RIN3: variants seen among roughly 807,000 people sequenced by gnomAD.
The protein encoded by RIN3 is RAB5 interacting protein 3.
In RIN3, 54 loss-of-function variants were observed where a neutral mutation model predicts 76.3. The observed-to-expected ratio is 0.71, with a 90% CI of 0.57 to 0.89. RIN3 has a LOEUF of 0.89. RIN3 is among the 40% of genes least tolerant of loss of function. RIN3 has a pLI of 0.00. For synonymous variants in RIN3, 576 were observed against 564.0 expected (o/e 1.02, Z -0.30); for missense variants, 1,256 against 1,322.1 (o/e 0.95, Z 0.78).
rs148350230 is a variant in RIN3, at chr14:92,677,529, T to G, written c.2467+923T>G. On this transcript the variant is annotated intron_variant, in intron 8 of 9. Coordinates refer to ENST00000216487, the MANE Select transcript of RIN3 (RefSeq NM_024832.5). Reference sequence around the variant, plus strand: ...TTTGATGAGATAGTTCCATGAGTTGTTGACAGCTCAGGGGAGCGTGTTAAA... The same window carrying G: ...TTTGATGAGATAGTTCCATGAGTTGGTGACAGCTCAGGGGAGCGTGTTAAA... Among the ~76,000 whole-genome samples the G allele has an allele frequency of 2.1e-4, 32 of 152,322 alleles. No individual in the cohort carries two copies. In the Middle Eastern group the frequency reaches 0.01, roughly 49 times the overall value.
At chr14:92,608,508 G>A (rs953065814) in intron 3 of RIN3, among the ~76,000 whole-genome samples, 17 of 151,954 alleles carry the variant, frequency 1.1e-4, no homozygotes, top group Non-Finnish European at 2.2e-4. Flanking sequence ...ATTGCTGAAT[G>A]ATAAAACTGA....
intron 6 of RIN3, among the ~76,000 whole-genome samples, chr14:92,653,833 C>CT (rs1887563700): frequency 6.6e-6 from 1 of 152,152 alleles, no homozygotes; most frequent in South Asian, 2.1e-4. Flanking sequence ...GCCTGGGCAA[C>CT]ATGGCAAAAC....
chr14:92,673,491 T>C (rs1197194244), intron 7 of RIN3, among the ~76,000 whole-genome samples: 17 of 151,468 alleles, frequency 1.1e-4, no homozygotes, highest in Non-Finnish European at 4.4e-5. Flanking sequence ...AGAAAAGCCA[T>C]GATGAACAAA....
At chr14:92,536,811 G>A (rs1198113339) in intron 1 of RIN3, among the ~76,000 whole-genome samples, 1 of 151,258 alleles carries the variant, frequency 6.6e-6, no homozygotes, top group African/African-American at 2.4e-5. Context: ...TAATTCTGTA[G>A]CCCTACTGAC....
intron 2 of RIN3, among the ~76,000 whole-genome samples, chr14:92,560,527 C>A (rs571327647): frequency 6.6e-6 from 1 of 152,306 alleles, no homozygotes; most frequent in South Asian, 2.1e-4. Context: ...TCAGCGATTT[C>A]TGTCAGGTAG....
At chr14:92,585,872 G>A (rs1884755656) in intron 3 of RIN3, among the ~76,000 whole-genome samples, 1 of 152,200 alleles carries the variant, frequency 6.6e-6, no homozygotes, top group Admixed American at 6.5e-5. Context: ...ATTAAAAGAG[G>A]GATTGGTGTC....
At chr14:92,615,814 G>C (rs950207820) in intron 4 of RIN3, 9 of 280,662 alleles carry the variant, frequency 3.2e-5, no homozygotes, top group Admixed American at 2.5e-4. Flanking sequence ...ACTTCCTGTA[G>C]GGGCAGCAAC....
chr14:92,524,491 G>T (rs1199398391), intron 1 of RIN3, among the ~76,000 whole-genome samples: 2 of 152,186 alleles, frequency 1.3e-5, no homozygotes, highest in Non-Finnish European at 1.5e-5. Flanking sequence ...TTCTGAGCCT[G>T]TAAGAGCCTG....
chr14:92,631,616 G>A (rs569175280), intron 4 of RIN3, among the ~76,000 whole-genome samples: 2 of 151,440 alleles, frequency 1.3e-5, no homozygotes, highest in African/African-American at 2.4e-5. Flanking sequence ...GGCGGCGGGA[G>A]TGGGGGTTGG....
intron 1 of RIN3, among the ~76,000 whole-genome samples, chr14:92,521,017 A>C (rs1285900607): frequency 6.6e-6 from 1 of 152,104 alleles, no homozygotes; most frequent in Non-Finnish European, 1.5e-5. Context: ...AACTATACTC[A>C]AGGACTCTTC....
intron 3 of RIN3, among the ~76,000 whole-genome samples, chr14:92,589,983 G>C (rs150551238): frequency 3.2e-4 from 49 of 152,336 alleles, no homozygotes; most frequent in Non-Finnish European, 6.0e-4. Context: ...ACTGCAGCTT[G>C]CCAGAGCAGA....
At chr14:92,531,579 C>A (rs1896879667) in intron 1 of RIN3, among the ~76,000 whole-genome samples, 1 of 152,166 alleles carries the variant, frequency 6.6e-6, no homozygotes, top group Non-Finnish European at 1.5e-5. Flanking sequence ...CTGTAGTCGG[C>A]CTGGGGTGGG....
At chr14:92,673,131 AG>A (rs932322627) in intron 7 of RIN3, among the ~76,000 whole-genome samples, 2 of 152,114 alleles carry the variant, frequency 1.3e-5, no homozygotes, top group African/African-American at 4.8e-5. Context: ...AAATACAAAA[AG>A]GAAAAAAAAA....
intron 2 of RIN3, among the ~76,000 whole-genome samples, chr14:92,561,109 T>TTATATATATTTATATATATTTATATTTA (rs1897760929): frequency 2.7e-5 from 3 of 111,492 alleles, no homozygotes; most frequent in South Asian, 2.9e-4. Flanking sequence ...TATGCCATAT[T>TTATATATATTTATATATATTTATATTTA]TATATATATT....
Position 92,661,754 on chromosome 14 carries a change from C to A in RIN3, c.2335+2285C>A, listed in dbSNP as rs201836585. Among the ~76,000 whole-genome samples, 877 of 133,452 alleles carry A rather than the reference C, an allele frequency of 6.6e-3. 6 individuals carry two copies. The highest frequency in any genetic ancestry group is 0.041 in the South Asian group (161 of 3,940). 87.5% of individuals were successfully genotyped at this position (133,452 alleles called of 152,430 possible). Reference sequence around the variant, plus strand: ...ACACACACACACACACACACACACACACACAAAAAATAGAATTGTGCTCCC... The same window carrying A: ...ACACACACACACACACACACACACAAACACAAAAAATAGAATTGTGCTCCC... On this transcript the variant is annotated intron_variant, in intron 7 of 9. Coordinates refer to ENST00000216487, the MANE Select transcript of RIN3 (RefSeq NM_024832.5).
At chr14:92,522,096 T>C (rs12880066) in intron 1 of RIN3, among the ~76,000 whole-genome samples, 30,030 of 151,968 alleles carry the variant, frequency 0.2, 4,426 homozygotes, top group African/African-American at 0.41. Flanking sequence ...CCCTTGGCTA[T>C]GGGTGGGCAA....
At chr14:92,543,119 C>A (rs1897163646) in intron 1 of RIN3, among the ~76,000 whole-genome samples, 1 of 152,074 alleles carries the variant, frequency 6.6e-6, no homozygotes, top group African/African-American at 2.4e-5. Flanking sequence ...TTGGAGACAC[C>A]CAGCTCAGCG....
intron 1 of RIN3, among the ~76,000 whole-genome samples, chr14:92,541,365 C>T (rs900705361): frequency 1.3e-5 from 2 of 152,226 alleles, no homozygotes; most frequent in Admixed American, 6.5e-5. Context: ...GTGATGGTCA[C>T]ACTTCTTTCT....
Position 92,652,098 on chromosome 14 carries a change from G to T in RIN3, c.1049G>T (p.Gly350Val), listed in dbSNP as rs781047504. Residue 350 changes from glycine to valine, a missense_variant, in exon 6 of 10, where the codon GGC becomes GTC. By Grantham distance (109) the Gly-to-Val change is moderately radical. Transcript: ENST00000216487. This position sits in a 1 kb window ranked among gnomAD's most constrained non-coding sequence, Gnocchi z 6.4. The part of the protein sequence containing the change: ...TCERLPCPTA[G>V]LGPLREEAMK... ...GAGAGACTCCCATGCCCCACTGCAG[G>T]CCTGGGCCCCCTCAGGGAGGAAGCG... 6.2e-7 allele frequency: 1 copy of T among 1,605,942 alleles called. No homozygotes were observed. The highest frequency in any genetic ancestry group is 8.5e-7 in the Non-Finnish European group (1 of 1,179,834).
Sources: allele counts gnomAD v4.1 joint callset (sites outside exome capture counted in the v4.1 genomes callset), GRCh38; gene constraint gnomAD v4.1.1; non-coding constraint Gnocchi (gnomAD v3.1); transcripts MANE v1.5; gene names NCBI Gene and HGNC (gene_info 2026-07-23, HGNC 2026-07-21).